MBNL2: variants seen among roughly 807,000 people sequenced by gnomAD.
MBNL2 encodes muscleblind like splicing regulator 2, also known as muscleblind-like protein 2.
In MBNL2, 17 loss-of-function variants were observed where a neutral mutation model predicts 41.9. The ratio of observed to expected loss-of-function variants is 0.41; its 90% CI spans 0.28 to 0.61. The LOEUF is 0.61. Ranked by LOEUF, MBNL2 falls within the 20% of genes least tolerant of loss-of-function variation. MBNL2 has a pLI of 0.35. For missense variants in MBNL2, 336 were observed against 505.6 expected, an observed-to-expected ratio of 0.66 and a Z score of 3.22; for synonymous variants, 195 against 182.9, an observed-to-expected ratio of 1.07 and a Z score of -0.53.
chr13:97,365,012 CTG>C lies in MBNL2; in HGVS notation c.1013-120_1013-119del, dbSNP rs774456716. ...TGACAATGTGAATGGCCCTAAAAGA[CTG>C]TGTTAACTAACCCTACTTATTTCTG... is the stretch of plus-strand genomic sequence containing the variant. On this transcript the variant is annotated intron_variant, in intron 7 of 8. Transcript: ENST00000679496. 4.5e-4 allele frequency: 353 copies of C among 776,504 alleles called. 1 individual carries two copies. The highest frequency in any genetic ancestry group is 1.2e-4 in the Non-Finnish European group (50 of 417,966). 48.1% of individuals were successfully genotyped at this position (776,504 alleles called of 1,614,324 possible). A position where few individuals can be genotyped will look rare whatever the true frequency, so the allele number is the denominator to read the frequency against.
At chr13:97,330,593 A>G (rs894410336) in intron 2 of MBNL2, among the ~76,000 whole-genome samples, 1 of 152,214 alleles carries the variant, frequency 6.6e-6, no homozygotes, top group Non-Finnish European at 1.5e-5. Flanking sequence ...AGAAGACACT[A>G]TTTTTGACAC....
upstream of MBNL2, among the ~76,000 whole-genome samples, chr13:97,219,491 C>T (rs911046357): frequency 6.6e-5 from 10 of 152,032 alleles, 1 homozygote; most frequent in Admixed American, 6.5e-4. Flanking sequence ...GAAAGTCCAA[C>T]GTCAGAGTGC....
the MBNL2 span, among the ~76,000 whole-genome samples, chr13:97,155,402 T>A: frequency 1.3e-5 from 2 of 151,726 alleles, no homozygotes; most frequent in Admixed American, 1.3e-4. Context: ...TTATTTTTTT[T>A]TTTATTATTA....
intron 2 of MBNL2, among the ~76,000 whole-genome samples, chr13:97,282,170 TAGTG>T (rs1275168874): frequency 6.6e-6 from 1 of 151,856 alleles, no homozygotes; most frequent in Non-Finnish European, 1.5e-5. Flanking sequence ...CTGGGCAACA[TAGTG>T]AGACCCCATC....
chr13:97,199,069 C>A, the MBNL2 span, among the ~76,000 whole-genome samples: 3 of 152,106 alleles, frequency 2.0e-5, no homozygotes, highest in East Asian at 5.8e-4. Flanking sequence ...TGACCTTATC[C>A]ATATCCACCT....
At position 97,246,944 on chromosome 13, in the gene MBNL2, T is replaced by C. The variant is rs116951177; in HGVS notation, c.-605+24413T>C. 7.6e-3 allele frequency among the ~76,000 whole-genome samples: 1,153 copies of C among 152,306 alleles called. 5 individuals carry two copies. The highest frequency in any genetic ancestry group is 0.013 in the Admixed American group (192 of 15,306). On this transcript the variant is annotated intron_variant, in intron 1 of 8. Transcript: ENST00000679496. ...AATCACTTATGGGGTCACAGTGAGATTGATAAAGGTAATCTTGGGAAGAAA... is the reference window on the plus strand; with the variant it reads ...AATCACTTATGGGGTCACAGTGAGACTGATAAAGGTAATCTTGGGAAGAAA...
the MBNL2 span, among the ~76,000 whole-genome samples, chr13:97,146,136 G>C: frequency 5.3e-5 from 8 of 151,184 alleles, no homozygotes; most frequent in African/African-American, 2.0e-4. Flanking sequence ...GACTACAGGC[G>C]TGTGCCACTA....
rs1213571606 is a variant in MBNL2, at chr13:97,343,076, C to G, written c.400C>G (p.Leu134Val). 3 of 1,613,996 alleles carry G rather than the reference C, an allele frequency of 1.9e-6. No homozygotes were observed. Among genetic ancestry groups the G allele is most frequent in the East Asian group, 2.2e-5 (1 of 44,890 alleles). The stretch of plus-strand genomic sequence containing the variant: ...TACGGCTATTAGCTTTGCTCCTTAC[C>G]TAGCACCTGTAACCCCTGGAGTTGG... The part of the protein sequence containing the change: ...TNTAISFAPY[L>V]APVTPGVGLV... Residue 134 changes from leucine (L) to valine (V), a missense_variant, in exon 4 of 9, where the codon CTA becomes GTA. Coordinates refer to ENST00000679496, the MANE Select transcript of MBNL2 (RefSeq NM_001382683.1).
intron 1 of MBNL2, among the ~76,000 whole-genome samples, chr13:97,225,752 C>T (rs762823615): frequency 3.9e-5 from 6 of 152,180 alleles, no homozygotes; most frequent in South Asian, 4.2e-4. Flanking sequence ...GCCCTGTTCA[C>T]GAAATCTGCT....
chr13:97,240,566 G>A (rs1341933427), intron 1 of MBNL2, among the ~76,000 whole-genome samples: 1 of 152,206 alleles, frequency 6.6e-6, no homozygotes. Context: ...CAGGGGCTTT[G>A]ACATGACTAT....
chr13:97,218,845 A>G (rs191890740), upstream of MBNL2, among the ~76,000 whole-genome samples: 1 of 151,964 alleles, frequency 6.6e-6, no homozygotes, highest in East Asian at 1.9e-4. Context: ...TAATTCATTT[A>G]ACATACATGT....
At chr13:97,379,940 A>T (rs930854253) in intron 8 of MBNL2, among the ~76,000 whole-genome samples, 4 of 152,210 alleles carry the variant, frequency 2.6e-5, no homozygotes, top group Non-Finnish European at 5.9e-5. Context: ...TAGACAAAAG[A>T]TCTGAGTGGT....
intron 8 of MBNL2, among the ~76,000 whole-genome samples, 182 bp from the exon 9 acceptor site, chr13:97,391,140 T>TTAAG (rs2066372643): frequency 6.6e-6 from 1 of 152,164 alleles, no homozygotes; most frequent in Non-Finnish European, 1.5e-5. Flanking sequence ...GCAGAAGTGG[T>TTAAG]TAAGTGTAAA....
the MBNL2 span, among the ~76,000 whole-genome samples, chr13:97,147,484 T>TA: frequency 6.6e-6 from 1 of 152,160 alleles, no homozygotes; most frequent in African/African-American, 2.4e-5. Context: ...ATTTTTTTTT[T>TA]ACCTACTGAC....
the MBNL2 span, among the ~76,000 whole-genome samples, chr13:97,202,392 G>A: frequency 0.051 from 7,740 of 152,152 alleles, 259 homozygotes; most frequent in South Asian, 0.14. Context: ...TTTGAATTTC[G>A]GATCTGCCAA....
intron 2 of MBNL2, among the ~76,000 whole-genome samples, chr13:97,302,018 T>C (rs578065268): frequency 6.6e-6 from 1 of 152,218 alleles, no homozygotes; most frequent in Non-Finnish European, 1.5e-5. Context: ...TCAGAGATCA[T>C]GTTCTTTAAA....
At chr13:97,174,646 G>A in the MBNL2 span, among the ~76,000 whole-genome samples, 2 of 152,144 alleles carry the variant, frequency 1.3e-5, no homozygotes, top group Admixed American at 6.5e-5. Context: ...TGGAAGGCAG[G>A]CTCACAGAGC....
At chr13:97,214,572 G>A in the MBNL2 span, among the ~76,000 whole-genome samples, 1 of 152,160 alleles carries the variant, frequency 6.6e-6, no homozygotes, top group Non-Finnish European at 1.5e-5. Context: ...CCCATGTTCA[G>A]CCTGGCCCCT....
intron 6 of MBNL2, 132 bp from the exon 7 acceptor site, chr13:97,357,345 TTTAAA>T: frequency 2.8e-6 from 2 of 702,512 alleles, no homozygotes; most frequent in South Asian, 1.8e-5. Flanking sequence ...ATTGCCGCTG[TTTAAA>T]TTAAGGTGCA....
Sources: allele counts gnomAD v4.1 joint callset (sites outside exome capture counted in the v4.1 genomes callset), GRCh38; gene constraint gnomAD v4.1.1; transcripts MANE v1.5; gene names NCBI Gene and HGNC (gene_info 2026-07-23, HGNC 2026-07-21).